CLPB: variants seen among roughly 807,000 people sequenced by gnomAD.
The protein encoded by CLPB is mitochondrial disaggregase.
CLPB carries 40 observed loss-of-function variants against 78.4 expected under a neutral mutation model. That is an observed-to-expected ratio of 0.51 (90% CI 0.40 to 0.66). The LOEUF (loss-of-function observed/expected upper bound fraction) is 0.66. CLPB is among the 30% of genes least tolerant of loss of function. The pLI is 0.00. For missense variants in CLPB, 780 were observed against 886.9 expected (o/e 0.88, Z 1.53); for synonymous variants, 333 against 348.0 (o/e 0.96, Z 0.48).
intron 6 of CLPB, among the ~76,000 whole-genome samples, chr11:72,325,887 T>C (rs1195363970): frequency 6.6e-6 from 1 of 152,196 alleles, no homozygotes; most frequent in Non-Finnish European, 1.5e-5. Context: ...TCCTGGTATA[T>C]ATGGTGGACT....
intron 5 of CLPB, among the ~76,000 whole-genome samples, chr11:72,357,815 A>G (rs894526211): frequency 6.6e-6 from 1 of 151,760 alleles, no homozygotes; most frequent in Non-Finnish European, 1.5e-5. Flanking sequence ...GTTCTGCTGG[A>G]AGAGAGGCAG....
intron 5 of CLPB, among the ~76,000 whole-genome samples, chr11:72,333,700 G>T (rs1026695070): frequency 6.6e-6 from 1 of 152,160 alleles, no homozygotes; most frequent in African/African-American, 2.4e-5. Context: ...CGGCACTGGG[G>T]GGCTCAGGAA....
intron 5 of CLPB, among the ~76,000 whole-genome samples, chr11:72,331,570 GTTTTT>G (rs71062765): frequency 4.1e-5 from 2 of 49,382 alleles, no homozygotes; most frequent in Non-Finnish European, 7.0e-5. Context: ...TTTCTTTTCT[GTTTTT>G]TTTTTTTTTT....
intron 3 of CLPB, among the ~76,000 whole-genome samples, chr11:72,392,842 C>T (rs1855292737): frequency 6.6e-6 from 1 of 152,206 alleles, no homozygotes; most frequent in Non-Finnish European, 1.5e-5. Flanking sequence ...GGTGTACATT[C>T]CCCTAAACCA....
intron 4 of CLPB, among the ~76,000 whole-genome samples, chr11:72,361,017 T>A (rs578030640): frequency 4.6e-5 from 7 of 152,148 alleles, no homozygotes; most frequent in Admixed American, 1.3e-4. Context: ...TCTTATTCCA[T>A]CCTGTTTTCC....
intron 1 of CLPB, among the ~76,000 whole-genome samples, chr11:72,431,229 T>C (rs1438427074): frequency 6.6e-6 from 1 of 152,150 alleles, no homozygotes; most frequent in Non-Finnish European, 1.5e-5. Flanking sequence ...AGAGGCACAA[T>C]CTTTTCAAAT....
At chr11:72,413,262 C>G (rs990959676) in intron 2 of CLPB, among the ~76,000 whole-genome samples, 3 of 151,758 alleles carry the variant, frequency 2.0e-5, no homozygotes, top group Non-Finnish European at 2.9e-5. Flanking sequence ...GCACTCCAGC[C>G]TGGGCAACCA....
chr11:72,398,842 T>C (rs1488152903), intron 3 of CLPB, among the ~76,000 whole-genome samples: 1 of 152,174 alleles, frequency 6.6e-6, no homozygotes, highest in Non-Finnish European at 1.5e-5. Context: ...AAAAGGATTG[T>C]CCTAGTAGAA....
chr11:72,358,871 T>C lies in CLPB; in HGVS notation c.775+9A>G, dbSNP rs1204145848. 2 of 1,154,112 alleles carry C rather than the reference T, an allele frequency of 1.7e-6. No individual in the cohort carries two copies. The highest frequency in any genetic ancestry group is 2.3e-6 in the Non-Finnish European group (2 of 875,822). The allele number at this position is 1,154,112 out of a possible 1,614,324, so 71.5% of individuals were successfully genotyped here. ...CCCCACCCCACCCCTCCTCCACCTC[T>C]GCTCTCACCTCCATCAAGCAGCTCC... On this transcript the variant is annotated intron_variant, in intron 5 of 15. Coordinates refer to ENST00000538039, the MANE Select transcript of CLPB (RefSeq NM_001258392.3).
At position 72,293,242 on chromosome 11, in the gene CLPB, A is replaced by T; in HGVS notation, c.*125T>A. The stretch of plus-strand genomic sequence containing the variant: ...GAAGGGGTCTTCATGGGCTGTGAGG[A>T]GGTAAGCAGGCCTGAGACTGGGTAG... On this transcript the variant is annotated 3_prime_UTR_variant, in exon 16 of 16. Transcript: ENST00000538039. The T allele has an allele frequency of 8.3e-7, 1 of 1,207,568 alleles. No individual in the cohort carries two copies. The highest frequency in any genetic ancestry group is 1.2e-6 in the Non-Finnish European group (1 of 858,032). 74.8% of individuals were successfully genotyped at this position (1,207,568 alleles called of 1,614,324 possible).
intron 2 of CLPB, among the ~76,000 whole-genome samples, chr11:72,420,837 T>A (rs2135138124): frequency 6.6e-6 from 1 of 152,246 alleles, no homozygotes; most frequent in East Asian, 1.9e-4. Context: ...CGGCAACCTT[T>A]GATATACAAA....
chr11:72,317,719 T>C (rs569748213), intron 6 of CLPB, among the ~76,000 whole-genome samples: 41 of 152,374 alleles, frequency 2.7e-4, no homozygotes, highest in Middle Eastern at 3.4e-3. Flanking sequence ...ATTTCAATTA[T>C]GCTGCATTTC....
chr11:72,301,704 G>T, intron 11 of CLPB, 99 bp downstream of exon 11: 2 of 1,327,496 alleles, frequency 1.5e-6, no homozygotes, highest in South Asian at 1.4e-5. Flanking sequence ...AGGAAGCCGA[G>T]GAATGACCAG....
rs1949429964 is a variant in CLPB at position 72,289,745 on chromosome 11, T to C, written c.*3622A>G. Reference sequence around the variant, plus strand: ...ACCACCATGCCTGGCTAATTTTTTATTTTTTAAACGTTTGGAGGATGAGGT... The same window carrying C: ...ACCACCATGCCTGGCTAATTTTTTACTTTTTAAACGTTTGGAGGATGAGGT... On this transcript the variant is annotated 3_prime_UTR_variant, in exon 16 of 16. Transcript: ENST00000538039. 6.6e-6 allele frequency: 1 copy of C among 152,060 alleles called. No individual in the cohort carries two copies. Among genetic ancestry groups the C allele is most frequent in the Admixed American group, 6.6e-5 (1 of 15,254 alleles). 9.4% of individuals were successfully genotyped at this position (152,060 alleles called of 1,614,324 possible).
intron 2 of CLPB, among the ~76,000 whole-genome samples, chr11:72,405,120 C>A (rs967890096): frequency 6.6e-6 from 1 of 152,108 alleles, no homozygotes; most frequent in Non-Finnish European, 1.5e-5. Context: ...AGGCTTCTGA[C>A]GGCACAAACT....
intron 2 of CLPB, among the ~76,000 whole-genome samples, chr11:72,414,192 A>C (rs1318752385): frequency 6.6e-6 from 1 of 152,208 alleles, no homozygotes; most frequent in Non-Finnish European, 1.5e-5. Flanking sequence ...CAACAATACA[A>C]GGCCATAAAC....
intron 9 of CLPB, among the ~76,000 whole-genome samples, chr11:72,303,584 C>G (rs563559893): frequency 6.6e-6 from 1 of 152,292 alleles, no homozygotes; most frequent in African/African-American, 2.4e-5. Flanking sequence ...CCCTGCCTCA[C>G]CAGGGGTCTG....
intron 3 of CLPB, among the ~76,000 whole-genome samples, chr11:72,382,955 C>T (rs1485736074): frequency 6.6e-6 from 1 of 151,616 alleles, no homozygotes; most frequent in Non-Finnish European, 1.5e-5. Flanking sequence ...TATAGAGAAA[C>T]AATTTAACAA....
chr11:72,395,483 C>T (rs957309080), intron 3 of CLPB, among the ~76,000 whole-genome samples: 48 of 152,342 alleles, frequency 3.2e-4, no homozygotes, highest in African/African-American at 1.1e-3. Flanking sequence ...CAACTCTGAG[C>T]TTCATTTTCC....
Sources: allele counts gnomAD v4.1 joint callset (sites outside exome capture counted in the v4.1 genomes callset), GRCh38; gene constraint gnomAD v4.1.1; transcripts MANE v1.5; gene names NCBI Gene and HGNC (gene_info 2026-07-23, HGNC 2026-07-21).